Variants in CNTN5 observed in about 807,000 individuals in gnomAD.
CNTN5 encodes contactin 5.
CNTN5 carries 77 observed loss-of-function variants against 129.1 expected under a neutral mutation model. The ratio of observed to expected loss-of-function variants is 0.60; its 90% CI spans 0.50 to 0.72. The LOEUF (loss-of-function observed/expected upper bound fraction) is 0.72, where lower values mean the gene tolerates loss of function less well. Among genes scored for constraint, CNTN5 ranks in the 30% least tolerant of loss-of-function variants. CNTN5 has a pLI of 0.00. For synonymous variants in CNTN5, 509 were observed against 465.6 expected (o/e 1.09, Z -1.20); for missense variants, 1,478 against 1,328.8 (o/e 1.11, Z -1.75).
intron 3 of CNTN5, among the ~76,000 whole-genome samples, chr11:99,636,127 T>C (rs1050775963): frequency 7.2e-5 from 11 of 151,842 alleles, no homozygotes; most frequent in African/African-American, 2.7e-4. Context: ...CCTAGGAAAA[T>C]AGATACCCAT....
chr11:99,716,355 T>A (rs953179111), intron 3 of CNTN5, among the ~76,000 whole-genome samples: 3 of 152,110 alleles, frequency 2.0e-5, no homozygotes, highest in Non-Finnish European at 4.4e-5. Flanking sequence ...TCCTTCTTTA[T>A]TGAAGCAACC....
intron 21 of CNTN5, among the ~76,000 whole-genome samples, chr11:100,316,328 G>A (rs1951571899): frequency 6.6e-6 from 1 of 152,110 alleles, no homozygotes; most frequent in Non-Finnish European, 1.5e-5. Flanking sequence ...ACTATGCTGG[G>A]CAATGGGAAT....
At chr11:100,175,048 T>C (rs1441800035) in intron 13 of CNTN5, among the ~76,000 whole-genome samples, 1 of 152,120 alleles carries the variant, frequency 6.6e-6, no homozygotes, top group Non-Finnish European at 1.5e-5. Context: ...TTCTTTCATT[T>C]CCATCATCTG....
chr11:99,151,485 C>A (rs1860054993), intron 1 of CNTN5, among the ~76,000 whole-genome samples: 1 of 151,990 alleles, frequency 6.6e-6, no homozygotes, highest in South Asian at 2.1e-4. Flanking sequence ...GAAAGATAGA[C>A]AATAGTGTGA....
chr11:99,585,071 T>A (rs776726315), intron 3 of CNTN5, among the ~76,000 whole-genome samples: 14 of 152,196 alleles, frequency 9.2e-5, no homozygotes, highest in African/African-American at 2.9e-4. Flanking sequence ...TGCAATTCAG[T>A]GGACACATAT....
At chr11:99,914,719 A>G (rs1025428225) in intron 6 of CNTN5, among the ~76,000 whole-genome samples, 2 of 152,130 alleles carry the variant, frequency 1.3e-5, no homozygotes, top group Non-Finnish European at 2.9e-5. Flanking sequence ...TCTTAAACAC[A>G]TTCTGCAATA....
chr11:100,274,718 T>G (rs1281826874), intron 18 of CNTN5, among the ~76,000 whole-genome samples: 1 of 152,128 alleles, frequency 6.6e-6, no homozygotes, highest in African/African-American at 2.4e-5. Flanking sequence ...TGGCTATTAC[T>G]AAAAAGTCAA....
chr11:99,068,782 T>C lies in CNTN5; in HGVS notation c.-210+47512T>C, dbSNP rs1042949774. On this transcript the variant is annotated intron_variant, in intron 1 of 24. Transcript: ENST00000524871. ...ATACAAAATAAACTAGTTCACAATA[T>C]GGGTGACTGAGTATATTTTGTTTGA... is the stretch of plus-strand genomic sequence containing the variant. Among the ~76,000 whole-genome samples the C allele has an allele frequency of 2.0e-5, 3 of 152,318 alleles. No individual in the cohort carries two copies. The East Asian group carries it at 5.8e-4, about 29-fold the overall frequency.
intron 9 of CNTN5, among the ~76,000 whole-genome samples, chr11:100,036,672 G>A (rs1942032754): frequency 6.6e-6 from 1 of 150,508 alleles, no homozygotes; most frequent in East Asian, 1.9e-4. Flanking sequence ...TCTCCTTGAA[G>A]AGGTCCTTCA....
chr11:99,506,927 TA>T (rs1227799995), intron 2 of CNTN5, among the ~76,000 whole-genome samples: 1 of 152,096 alleles, frequency 6.6e-6, no homozygotes, highest in Non-Finnish European at 1.5e-5. Context: ...TGTATTTATT[TA>T]AAAAAATATA....
At chr11:99,466,579 A>AGG (rs1944953510) in intron 2 of CNTN5, among the ~76,000 whole-genome samples, 1 of 152,192 alleles carries the variant, frequency 6.6e-6, no homozygotes, top group Non-Finnish European at 1.5e-5. Flanking sequence ...AGGCAAGGCT[A>AGG]CTGTGTAATA....
At chr11:99,173,785 C>T (rs920985038) in intron 1 of CNTN5, among the ~76,000 whole-genome samples, 2 of 152,136 alleles carry the variant, frequency 1.3e-5, no homozygotes, top group African/African-American at 2.4e-5. Context: ...AAGACTACTT[C>T]GCTATTTGAA....
At chr11:99,658,718 A>AAAT (rs1555067255) in intron 3 of CNTN5, among the ~76,000 whole-genome samples, 15 of 124,018 alleles carry the variant, frequency 1.2e-4, no homozygotes, top group African/African-American at 3.9e-4. Flanking sequence ...CTAAAAAAAA[A>AAAT]ATATATATAT....
At chr11:99,684,358 G>A (rs752473949) in intron 3 of CNTN5, among the ~76,000 whole-genome samples, 1 of 151,736 alleles carries the variant, frequency 6.6e-6, no homozygotes, top group Non-Finnish European at 1.5e-5. Context: ...AATAATATGG[G>A]TTATTGAATA....
chr11:100,282,680 T>TC (rs1950664725), intron 18 of CNTN5, among the ~76,000 whole-genome samples: 1 of 152,192 alleles, frequency 6.6e-6, no homozygotes. Context: ...GGTGGTGAGT[T>TC]CCCCTAGGGC....
chr11:100,011,034 G>A (rs1400189409), intron 9 of CNTN5, among the ~76,000 whole-genome samples: 1 of 152,096 alleles, frequency 6.6e-6, no homozygotes, highest in African/African-American at 2.4e-5. Flanking sequence ...ATTAGATGCA[G>A]CAGGTGCTGA....
At chr11:99,813,222 A>G (rs1442769607) in intron 3 of CNTN5, among the ~76,000 whole-genome samples, 2 of 152,160 alleles carry the variant, frequency 1.3e-5, no homozygotes, top group Non-Finnish European at 2.9e-5. Flanking sequence ...GCGAGGGATT[A>G]TGTGTACAAG....
At chr11:99,295,989 A>G (rs188147356) in intron 1 of CNTN5, among the ~76,000 whole-genome samples, 131 of 152,222 alleles carry the variant, frequency 8.6e-4, no homozygotes, top group Admixed American at 2.6e-3. Context: ...CTATTAAAGC[A>G]TAAGGTTATT....
intron 1 of CNTN5, among the ~76,000 whole-genome samples, chr11:99,239,361 T>C (rs1185080840): frequency 6.6e-6 from 1 of 152,236 alleles, no homozygotes; most frequent in Non-Finnish European, 1.5e-5. Flanking sequence ...TGCAAGTATG[T>C]TTTCATTATG....
Sources: gnomAD v4.1 joint callset for allele counts (sites outside exome capture counted in the v4.1 genomes callset) on GRCh38, gnomAD v4.1.1 for gene constraint, MANE v1.5 for transcripts, NCBI Gene and HGNC (gene_info 2026-07-23, HGNC 2026-07-21) for gene names.